FREM2: variants seen among roughly 807,000 people sequenced by gnomAD.
The protein encoded by FREM2 is FRAS1-related extracellular matrix protein 2.
A neutral mutation model predicts 219.9 loss-of-function variants in FREM2; 119 were observed. The observed-to-expected ratio is 0.54, with a 90% CI of 0.47 to 0.63. FREM2 has a LOEUF of 0.63. FREM2 is among the 30% of genes least tolerant of loss of function. FREM2 has a pLI of 0.00. For missense variants in FREM2, 4,030 were observed against 3,993.6 expected, an observed-to-expected ratio of 1.01 and a Z score of -0.25; for synonymous variants, 1,562 against 1,522.8, an observed-to-expected ratio of 1.03 and a Z score of -0.60.
chr13:38,875,952 ACT>A lies in FREM2; in HGVS notation c.8282-67_8282-66del, dbSNP rs1311475682. 4 of 1,371,616 alleles carry A rather than the reference ACT, an allele frequency of 2.9e-6. No individual in the cohort carries two copies. The Admixed American group carries it at 5.0e-5, about 17-fold the overall frequency. 85.0% of individuals were successfully genotyped at this position (1,371,616 alleles called of 1,614,324 possible). A position where few individuals can be genotyped will look rare whatever the true frequency, so the allele number is the denominator to read the frequency against. ...TAATGTATGATCATTTATTTTGAAA[ACT>A]CTAAACTGTTATGCACTCTTTTAAT... On this transcript the variant is annotated intron_variant, in intron 18 of 23. Transcript: ENST00000280481.
chr13:38,722,955 G>A (rs529563409), intron 2 of FREM2, among the ~76,000 whole-genome samples: 73 of 152,174 alleles, frequency 4.8e-4, no homozygotes, highest in Non-Finnish European at 7.5e-4. Flanking sequence ...TGGCAGCCAG[G>A]TGCAGTGGCT....
At chr13:38,823,324 C>T (rs747030702) in intron 6 of FREM2, among the ~76,000 whole-genome samples, 65 of 152,040 alleles carry the variant, frequency 4.3e-4, no homozygotes, top group African/African-American at 1.5e-3. Context: ...CACCCCTTTC[C>T]ACCAGACCAT....
intron 11 of FREM2, among the ~76,000 whole-genome samples, chr13:38,852,145 C>T (rs1164012749): frequency 6.6e-6 from 1 of 152,152 alleles, no homozygotes; most frequent in Non-Finnish European, 1.5e-5. Context: ...CTCCCCCACC[C>T]TCCCAAGCCT....
At chr13:38,867,512 T>G (rs547451694) in intron 16 of FREM2, among the ~76,000 whole-genome samples, 1 of 152,298 alleles carries the variant, frequency 6.6e-6, no homozygotes, top group South Asian at 2.1e-4. Context: ...TTAGTCAGGG[T>G]TCTCCCCAGA....
At position 38,688,555 on chromosome 13, in the gene FREM2, A is replaced by T; in HGVS notation, c.1211A>T (p.Gln404Leu). 6.2e-7 allele frequency: 1 copy of T among 1,613,676 alleles called. No individual in the cohort carries two copies. The highest frequency in any genetic ancestry group is 8.5e-7 in the Non-Finnish European group (1 of 1,179,718). The change falls in exon 1 of 24, where the codon CAG (glutamine) becomes CTG (leucine). Residue 404 changes from glutamine (Q) to leucine (L), a missense_variant. By Grantham distance (113) the Gln-to-Leu change is moderately radical. Around this residue, in one of 2 missense-constraint regions of FREM2, gnomAD observed 3,102 missense variants for 2,950.7 expected, o/e 1.05. Transcript: ENST00000280481. ...AYQPPSEDSD[Q>L]ERLFELELEV... The stretch of plus-strand genomic sequence containing the variant: ...CAGCCCCCTTCTGAAGACTCTGACC[A>T]GGAGCGCCTCTTTGAACTGGAATTG...
intron 6 of FREM2, 123 bp downstream of exon 6, chr13:38,784,931 T>G: frequency 1.3e-4 from 142 of 1,113,388 alleles, no homozygotes; most frequent in Middle Eastern, 2.2e-4. Flanking sequence ...TATGTTTGGT[T>G]TTTTCATATG....
At chr13:38,839,452 TGAG>T (rs1175520981) in intron 6 of FREM2, among the ~76,000 whole-genome samples, 1 of 152,158 alleles carries the variant, frequency 6.6e-6, no homozygotes, top group East Asian at 1.9e-4. Context: ...AGGACCCACT[TGAG>T]GAGGCAGTCT....
rs1176741636 is a variant in FREM2, at chr13:38,886,049, A to G, written c.*5262A>G. On this transcript the variant is annotated 3_prime_UTR_variant, in exon 24 of 24. Coordinates refer to ENST00000280481, the MANE Select transcript of FREM2 (RefSeq NM_207361.6). ...GTCACAGTTTAAGTGAATTTCTACTATGGATCTTTATTTTCCCCAATGTTT... is the reference window on the plus strand; with the variant it reads ...GTCACAGTTTAAGTGAATTTCTACTGTGGATCTTTATTTTCCCCAATGTTT... 1 of 152,162 alleles carries G rather than the reference A, an allele frequency of 6.6e-6. No individual in the cohort carries two copies. Among genetic ancestry groups the G allele is most frequent in the Non-Finnish European group, 1.5e-5 (1 of 68,028 alleles). The allele number at this position is 152,162 out of a possible 1,614,324, so 9.4% of individuals were successfully genotyped here.
chr13:38,753,952 A>G (rs1457704283), intron 2 of FREM2, among the ~76,000 whole-genome samples: 1 of 133,160 alleles, frequency 7.5e-6, no homozygotes, highest in Non-Finnish European at 1.7e-5. Context: ...AAATTAACAC[A>G]TTCTTTTTAT....
intron 4 of FREM2, among the ~76,000 whole-genome samples, chr13:38,778,788 C>T (rs1668963391): frequency 6.6e-6 from 1 of 151,434 alleles, no homozygotes; most frequent in Non-Finnish European, 1.5e-5. Flanking sequence ...GTACCCTGAA[C>T]TTAAAAAAAA....
chr13:38,826,859 A>G (rs528189747), intron 6 of FREM2, among the ~76,000 whole-genome samples: 8 of 152,188 alleles, frequency 5.3e-5, no homozygotes, highest in African/African-American at 1.9e-4. Flanking sequence ...AGGTATGGAG[A>G]GTTTAAGCAT....
chr13:38,811,921 G>A (rs150532304), intron 6 of FREM2, among the ~76,000 whole-genome samples: 1 of 152,190 alleles, frequency 6.6e-6, no homozygotes, highest in East Asian at 1.9e-4. Context: ...ATTGCATTGG[G>A]CTCCATCTCT....
intron 2 of FREM2, among the ~76,000 whole-genome samples, chr13:38,750,780 G>T (rs955572593): frequency 6.6e-6 from 1 of 151,758 alleles, no homozygotes; most frequent in South Asian, 2.1e-4. Flanking sequence ...TACAACCTCT[G>T]CCTCTGGGGT....
At chr13:38,832,472 A>G (rs1876547672) in intron 6 of FREM2, among the ~76,000 whole-genome samples, 1 of 152,102 alleles carries the variant, frequency 6.6e-6, no homozygotes, top group African/African-American at 2.4e-5. Context: ...AGGAAGTGAA[A>G]TTTCCTCACA....
At chr13:38,874,429 TA>T in intron 17 of FREM2, 52 bp from the exon 18 acceptor site, 1 of 1,393,304 alleles carries the variant, frequency 7.2e-7, no homozygotes, top group Non-Finnish European at 1.0e-6. Context: ...AATCTGTACA[TA>T]AGGGGTCTCT....
At chr13:38,875,337 C>T (rs923583577) in intron 18 of FREM2, among the ~76,000 whole-genome samples, 3 of 151,928 alleles carry the variant, frequency 2.0e-5, no homozygotes, top group Non-Finnish European at 1.5e-5. Context: ...TTTTTCTGGA[C>T]TTGAACTCTA....
At chr13:38,715,956 A>G (rs1870981922) in intron 2 of FREM2, among the ~76,000 whole-genome samples, 1 of 152,182 alleles carries the variant, frequency 6.6e-6, no homozygotes, top group Admixed American at 6.5e-5. Context: ...TTATTTCTTG[A>G]AATAATTTGC....
Position 38,822,808 on chromosome 13 carries a change from C to T in FREM2, c.6020-23765C>T, listed in dbSNP as rs11842033. On this transcript the variant is annotated intron_variant, in intron 6 of 23. Coordinates refer to ENST00000280481, the MANE Select transcript of FREM2 (RefSeq NM_207361.6). ...TGCAGTAGAAGATGTTAGGTTAGCT[C>T]CCTGAGGAAAATTTTATGACTCTGT... Among the ~76,000 whole-genome samples the T allele has an allele frequency of 7.8e-3, 1,187 of 152,140 alleles. 11 individuals carry two copies. The highest frequency in any genetic ancestry group is 0.027 in the African/African-American group (1,120 of 41,498).
chr13:38,806,905 A>G (rs1217643803), intron 6 of FREM2, among the ~76,000 whole-genome samples: 1 of 151,742 alleles, frequency 6.6e-6, no homozygotes, highest in Non-Finnish European at 1.5e-5. Context: ...AACAATGTTT[A>G]CACCATCTTC....
Sources: gnomAD v4.1 joint callset for allele counts (sites outside exome capture counted in the v4.1 genomes callset) on GRCh38, gnomAD v4.1.1 for gene constraint, gnomAD v4.1.1 regional missense constraint, MANE v1.5 for transcripts, NCBI Gene and HGNC (gene_info 2026-07-23, HGNC 2026-07-21) for gene names.